PAPPA: variants seen among roughly 807,000 people sequenced by gnomAD.
PAPPA encodes pappalysin 1.
PAPPA carries 60 observed loss-of-function variants against 164.0 expected under a neutral mutation model. That is an observed-to-expected ratio of 0.37 (90% confidence interval 0.30 to 0.45). The LOEUF (loss-of-function observed/expected upper bound fraction) is 0.45. Ranked by LOEUF, PAPPA falls within the 20% of genes least tolerant of loss-of-function variation. The probability of loss-of-function intolerance (pLI) is 1.00; values close to 1 mark genes in which losing one functional copy is unlikely to be tolerated. For synonymous variants in PAPPA, 875 were observed against 814.1 expected (o/e 1.07, Z -1.27); for missense variants, 1,782 against 2,087.3 (o/e 0.85, Z 2.85).
At chr9:116,225,910 A>C (rs1430097825) in intron 5 of PAPPA, among the ~76,000 whole-genome samples, 1 of 152,144 alleles carries the variant, frequency 6.6e-6, no homozygotes, top group Non-Finnish European at 1.5e-5. Flanking sequence ...TTATAAGATA[A>C]GTTGTGTGCT....
intron 8 of PAPPA, among the ~76,000 whole-genome samples, chr9:116,268,536 T>C (rs143044155): frequency 2.7e-5 from 4 of 150,068 alleles, no homozygotes; most frequent in Non-Finnish European, 5.9e-5. Flanking sequence ...TTTAGCCCAA[T>C]TTTTTTTTTA....
At chr9:116,294,554 CAT>C (rs1405317543) in intron 9 of PAPPA, among the ~76,000 whole-genome samples, 6 of 152,194 alleles carry the variant, frequency 3.9e-5, no homozygotes, top group Non-Finnish European at 8.8e-5. Flanking sequence ...CCAGAGGAAA[CAT>C]ATGCCAATAT....
intron 19 of PAPPA, among the ~76,000 whole-genome samples, chr9:116,377,063 T>TAAAC (rs2118682431): frequency 6.6e-6 from 1 of 152,196 alleles, no homozygotes; most frequent in African/African-American, 2.4e-5. Flanking sequence ...TGCCGTTAAT[T>TAAAC]AAACACACTC....
chr9:116,198,604 A>C (rs1844134078), intron 2 of PAPPA, among the ~76,000 whole-genome samples: 2 of 152,210 alleles, frequency 1.3e-5, no homozygotes, highest in Middle Eastern at 3.2e-3. Context: ...GCGAACACAG[A>C]GAATGGCTAC....
At chr9:116,195,412 T>G (rs79522433) in intron 2 of PAPPA, among the ~76,000 whole-genome samples, 5,166 of 152,190 alleles carry the variant, frequency 0.034, 312 homozygotes, top group African/African-American at 0.12. Flanking sequence ...CAGTGACCTA[T>G]GAGGAACAGT....
chr9:116,264,860 G>A (rs1033181758), intron 7 of PAPPA, among the ~76,000 whole-genome samples: 14 of 152,154 alleles, frequency 9.2e-5, no homozygotes, highest in African/African-American at 3.4e-4. Flanking sequence ...GTGGTCGTGT[G>A]GAATTGACAT....
At chr9:116,346,962 G>A in intron 14 of PAPPA, 64 bp from the exon 15 acceptor site, 1 of 1,381,002 alleles carries the variant, frequency 7.2e-7, no homozygotes. Flanking sequence ...TTGGGAAGAA[G>A]GGTATTTCTC....
At chr9:116,182,825 C>T (rs1843923254) in intron 1 of PAPPA, among the ~76,000 whole-genome samples, 1 of 152,122 alleles carries the variant, frequency 6.6e-6, no homozygotes, top group South Asian at 2.1e-4. Flanking sequence ...GCCAGGGTTC[C>T]AGGGATGGTT....
chr9:116,212,411 C>T (rs547405201), intron 4 of PAPPA, among the ~76,000 whole-genome samples: 2 of 152,216 alleles, frequency 1.3e-5, no homozygotes, highest in Non-Finnish European at 2.9e-5. Flanking sequence ...CTGCACTTCC[C>T]TTTAGCATGG....
At chr9:116,334,579 C>T (rs1846035376) in intron 12 of PAPPA, among the ~76,000 whole-genome samples, 1 of 150,460 alleles carries the variant, frequency 6.6e-6, no homozygotes, top group African/African-American at 2.5e-5. Context: ...GGATGCTTGG[C>T]TGAGGGGTGG....
chr9:116,357,483 A>T (rs548924344), intron 17 of PAPPA, among the ~76,000 whole-genome samples: 1 of 152,350 alleles, frequency 6.6e-6, no homozygotes, highest in East Asian at 1.9e-4. Flanking sequence ...GAAAAGAAAC[A>T]AAATCCCCAT....
chr9:116,194,792 G>C (rs1215266517), intron 2 of PAPPA, among the ~76,000 whole-genome samples: 1 of 152,110 alleles, frequency 6.6e-6, no homozygotes, highest in Non-Finnish European at 1.5e-5. Flanking sequence ...TATCCTCCCT[G>C]TCAGCATTGT....
intron 18 of PAPPA, among the ~76,000 whole-genome samples, chr9:116,367,350 G>T (rs1846514375): frequency 6.6e-6 from 1 of 152,196 alleles, no homozygotes; most frequent in Admixed American, 6.5e-5. Flanking sequence ...GCTGTATTTT[G>T]TTCTGGATGT....
Position 116,335,070 on chromosome 9 carries a change from C to T in PAPPA, c.3607C>T (p.Gln1203Ter). Residue 1203 changes from glutamine to a stop codon, truncating the protein, a stop_gained, in exon 13 of 22, where the codon CAG becomes TAG. Coordinates refer to ENST00000328252, the MANE Select transcript of PAPPA (RefSeq NM_002581.5). LOFTEE classifies it high-confidence loss of function. ...AGGGGAGACCTACAGCCCTGCCGAG[C>T]AGAGGTAAGGGATCCGCGGCAGACT... ...QRGETYSPAE[Q>*]SCVHFACEKT... 1 of 1,612,238 alleles carries T rather than the reference C, an allele frequency of 6.2e-7. No individual in the cohort carries two copies. The highest frequency in any genetic ancestry group is 8.5e-7 in the Non-Finnish European group (1 of 1,179,440).
chr9:116,281,621 G>C (rs1489424908), intron 9 of PAPPA, among the ~76,000 whole-genome samples: 1 of 152,126 alleles, frequency 6.6e-6, no homozygotes, highest in Non-Finnish European at 1.5e-5. Flanking sequence ...TATTTATGGA[G>C]AACCTGCTGC....
chr9:116,156,835 G>A (rs1244723730), intron 1 of PAPPA, among the ~76,000 whole-genome samples: 1 of 152,204 alleles, frequency 6.6e-6, no homozygotes, highest in Non-Finnish European at 1.5e-5. Context: ...CTTTGCAGAA[G>A]TACTTTTTCA....
At chr9:116,204,997 GC>G (rs1844215303) in intron 2 of PAPPA, among the ~76,000 whole-genome samples, 1 of 151,750 alleles carries the variant, frequency 6.6e-6, no homozygotes, top group African/African-American at 2.4e-5. Flanking sequence ...GAGACACTCA[GC>G]CTGGCTCTGT....
intron 7 of PAPPA, among the ~76,000 whole-genome samples, chr9:116,241,739 T>G (rs1175271579): frequency 6.6e-6 from 1 of 152,176 alleles, no homozygotes; most frequent in Non-Finnish European, 1.5e-5. Flanking sequence ...AGTTATAACA[T>G]TGATATGTAA....
intron 9 of PAPPA, among the ~76,000 whole-genome samples, chr9:116,298,572 C>T (rs533128799): frequency 2.0e-5 from 3 of 152,288 alleles, no homozygotes; most frequent in Non-Finnish European, 4.4e-5. Flanking sequence ...AGCTCCATTT[C>T]CTTCTCCCTA....
Sources: allele counts gnomAD v4.1 joint callset (sites outside exome capture counted in the v4.1 genomes callset), GRCh38; gene constraint gnomAD v4.1.1; transcripts MANE v1.5; gene names NCBI Gene and HGNC (gene_info 2026-07-23, HGNC 2026-07-21).